Variants in C18orf54 observed in about 807,000 individuals in gnomAD.
C18orf54 encodes the protein lung adenoma susceptibility protein 2.
Under a neutral mutation model 49.3 loss-of-function variants are expected in C18orf54, and 49 were observed. The observed-to-expected ratio is 0.99, with a 90% CI of 0.79 to 1.26. The LOEUF (loss-of-function observed/expected upper bound fraction) is 1.26, where lower values mean the gene tolerates loss of function less well. C18orf54 is among the 50% of genes most tolerant of loss of function. The probability of loss-of-function intolerance (pLI) is 0.00; values close to 1 mark genes in which losing one functional copy is unlikely to be tolerated. For missense variants in C18orf54, 687 were observed against 620.6 expected (o/e 1.11, Z -1.14); for synonymous variants, 211 against 216.6 (o/e 0.97, Z 0.23).
Position 54,362,175 on chromosome 18 carries a change from T to A in C18orf54, c.816T>A (p.Pro272=), listed in dbSNP as rs1279555527. Residue 272 remains proline (P), a synonymous_variant, in exon 4 of 9, where the codon CCT becomes CCA. Coordinates refer to ENST00000620105, the MANE Select transcript of C18orf54 (RefSeq NM_001288980.2). ...PVWLHNQDLL[P]DANSQRVYQI... ...GGCTGCACAATCAAGACTTGCTACC[T>A]GATGCAAATAGTCAAAGGGTTTATC... 2.6e-6 allele frequency: 4 copies of A among 1,536,116 alleles called. No individual in the cohort carries two copies. The highest frequency in any genetic ancestry group is 3.5e-6 in the Non-Finnish European group (4 of 1,146,910).
chr18:54,362,796 G>A lies in C18orf54; in HGVS notation c.1098G>A (p.Leu366=), dbSNP rs1230346430. The A allele has an allele frequency of 6.2e-7, 1 of 1,606,542 alleles. No individual in the cohort carries two copies. The highest frequency in any genetic ancestry group is 8.5e-7 in the Non-Finnish European group (1 of 1,178,442). Residue 366 remains leucine, a synonymous_variant, in exon 5 of 9, where the codon TTG becomes TTA. Transcript: ENST00000620105. ...GTGACAAAATTGAATTGCTTATCTT[G>A]AAGGCCAAGAGAAATCTAGAGCAGT... ...FSGDKIELLI[L]KAKRNLEQCT... is the part of the protein sequence containing the mutation.
chr18:54,377,181 A>G (rs563385643), intron 8 of C18orf54, among the ~76,000 whole-genome samples: 1 of 151,916 alleles, frequency 6.6e-6, no homozygotes, highest in Non-Finnish European at 1.5e-5. Flanking sequence ...GACAGATGCC[A>G]GTCACCACGC....
chr18:54,366,339 G>A (rs554959055), intron 6 of C18orf54, among the ~76,000 whole-genome samples: 23 of 151,806 alleles, frequency 1.5e-4, no homozygotes, highest in African/African-American at 4.3e-4. Flanking sequence ...CTATTTCTAT[G>A]AGATCAGCTA....
chr18:54,374,535 G>C (rs2144751902), intron 8 of C18orf54, among the ~76,000 whole-genome samples: 1 of 151,816 alleles, frequency 6.6e-6, no homozygotes, highest in South Asian at 2.1e-4. Flanking sequence ...ACTCATTTTT[G>C]AGTAGTAATA....
In C18orf54 at chr18:54,361,101, A is replaced by G. The variant is rs2089260413; in HGVS notation, c.283+246A>G. ...ACAAGTTTGGAAAATGCAGTTGTTG[A>G]TAAGTCAATTACTACTTTACTTAAC... is the stretch of plus-strand genomic sequence containing the variant. On this transcript the variant is annotated intron_variant, in intron 3 of 8. Transcript: ENST00000620105. 2.0e-5 allele frequency among the ~76,000 whole-genome samples: 3 copies of G among 152,228 alleles called. No individual in the cohort carries two copies. The South Asian group carries it at 6.2e-4, about 31-fold the overall frequency.
At chr18:54,374,961 G>T (rs1314245485) in intron 8 of C18orf54, among the ~76,000 whole-genome samples, 3 of 151,850 alleles carry the variant, frequency 2.0e-5, no homozygotes, top group Admixed American at 6.6e-5. Context: ...GTGATCTAAG[G>T]AACTGGTGGA....
At chr18:54,359,567 T>C (rs1449677082) in intron 2 of C18orf54, among the ~76,000 whole-genome samples, 4 of 152,336 alleles carry the variant, frequency 2.6e-5, no homozygotes, top group African/African-American at 9.6e-5. Context: ...AAAGTTGTTA[T>C]AACAAATATT....
intron 5 of C18orf54, among the ~76,000 whole-genome samples, chr18:54,364,794 T>C (rs1194648289): frequency 1.3e-5 from 2 of 152,036 alleles, no homozygotes; most frequent in African/African-American, 4.8e-5. Context: ...CCTGATAGTA[T>C]GAAAGAGCTT....
rs1449990724 is a variant in C18orf54 at position 54,362,298 on chromosome 18, T to C, written c.939T>C (p.Phe313=). ...AATTAGATTGTTTTGAATATGCTTT[T>C]GAACCCTCAAACTTTTCAAATTCCT... ...INKLDCFEYA[F]EPSNFSNSLS... is the part of the protein sequence containing the mutation. The change falls in exon 4 of 9, where the codon TTT becomes TTC. Residue 313 remains phenylalanine, a synonymous_variant. Coordinates refer to ENST00000620105, the MANE Select transcript of C18orf54 (RefSeq NM_001288980.2). 2 of 1,536,330 alleles carry C rather than the reference T, an allele frequency of 1.3e-6. No homozygotes were observed. The highest frequency in any genetic ancestry group is 3.3e-4 in the Middle Eastern group (2 of 5,992).
chr18:54,378,237 G>A lies in C18orf54; in HGVS notation c.1593G>A (p.Pro531=), dbSNP rs749430389. 14 of 1,612,624 alleles carry A rather than the reference G, an allele frequency of 8.7e-6. No individual in the cohort carries two copies. The highest frequency in any genetic ancestry group is 2.2e-5 in the East Asian group (1 of 44,840). ...LVDDTNGERS[P]KM ...ATGATACGAATGGAGAACGGTCACC[G>A]AAAATGTGAAGAGGAAAATGAAACT... Residue 531 remains proline (P), a synonymous_variant, in exon 9 of 9, where the codon CCG becomes CCA. Coordinates refer to ENST00000620105, the MANE Select transcript of C18orf54 (RefSeq NM_001288980.2).
In C18orf54 at chr18:54,380,791, T is replaced by G. The variant is rs181018509; in HGVS notation, c.*2545T>G. ...ATAAATCATGACAAGGTCCCCTGTTTATTCCTGTGTTACAGACGCATGGAA... is the reference window on the plus strand; with the variant it reads ...ATAAATCATGACAAGGTCCCCTGTTGATTCCTGTGTTACAGACGCATGGAA... On this transcript the variant is annotated 3_prime_UTR_variant, in exon 9 of 9. Transcript: ENST00000620105. 2.0e-5 allele frequency: 3 copies of G among 152,288 alleles called. No individual in the cohort carries two copies. The East Asian group carries it at 5.8e-4, about 29-fold the overall frequency. The allele number at this position is 152,288 out of a possible 1,614,324, so 9.4% of individuals were successfully genotyped here.
Position 54,368,468 on chromosome 18 carries a change from T to G in C18orf54, c.1326+2647T>G, listed in dbSNP as rs2089426927. Among the ~76,000 whole-genome samples the G allele has an allele frequency of 3.3e-5, 5 of 152,114 alleles. No homozygotes were observed. The South Asian group carries it at 1.0e-3, about 31-fold the overall frequency. ...TCATGATTAGAATGAGGTTATGCATTTTTGGCAAAAATACTGAAGAAGTGA... is the reference window on the plus strand; with the variant it reads ...TCATGATTAGAATGAGGTTATGCATGTTTGGCAAAAATACTGAAGAAGTGA... On this transcript the variant is annotated intron_variant, in intron 6 of 8. Coordinates refer to ENST00000620105, the MANE Select transcript of C18orf54 (RefSeq NM_001288980.2).
chr18:54,358,734 T>C (rs2089200048), intron 1 of C18orf54, 40 bp from the exon 2 acceptor site: 2 of 152,246 alleles, frequency 1.3e-5, no homozygotes. Context: ...GATATTCCCA[T>C]TGGCTATTTA....
intron 6 of C18orf54, among the ~76,000 whole-genome samples, chr18:54,371,395 T>G (rs2046641316): frequency 6.6e-6 from 1 of 152,346 alleles, no homozygotes; most frequent in South Asian, 2.1e-4. Flanking sequence ...CATCTGTTGT[T>G]GGACTCTTGG....
Position 54,380,268 on chromosome 18 carries a change from G to T in C18orf54, c.*2022G>T, listed in dbSNP as rs1422086140. 6.6e-6 allele frequency: 1 copy of T among 151,980 alleles called. No individual in the cohort carries two copies. Among genetic ancestry groups the T allele is most frequent in the Non-Finnish European group, 1.5e-5 (1 of 67,890 alleles). The allele number at this position is 151,980 out of a possible 1,614,324, so 9.4% of individuals were successfully genotyped here. The stretch of plus-strand genomic sequence containing the variant: ...AGAGCAGGATAACAGTGTGGAGACT[G>T]CTAAGTTGAGAATTTAAAACAAATG... On this transcript the variant is annotated 3_prime_UTR_variant, in exon 9 of 9. Coordinates refer to ENST00000620105, the MANE Select transcript of C18orf54 (RefSeq NM_001288980.2).
Position 54,365,430 on chromosome 18 carries a change from A to C in C18orf54, c.1224-289A>C, listed in dbSNP as rs1487374953. On this transcript the variant is annotated intron_variant, in intron 5 of 8. Transcript: ENST00000620105. ...CAAACAAGGTGAGCTTTTGGAGCAC[A>C]GTCTGTAGTTCAGGCCTTGTTTAGC... is the stretch of plus-strand genomic sequence containing the variant. Among the ~76,000 whole-genome samples, 3 of 151,956 alleles carry C rather than the reference A, an allele frequency of 2.0e-5. No individual in the cohort carries two copies. In the East Asian group the frequency reaches 5.8e-4, roughly 29 times the overall value.
rs531197121 is a variant in C18orf54 at position 54,368,082 on chromosome 18, G to T, written c.1326+2261G>T. Among the ~76,000 whole-genome samples, 4 of 151,642 alleles carry T rather than the reference G, an allele frequency of 2.6e-5. No homozygotes were observed. In the East Asian group the frequency reaches 7.8e-4, roughly 29 times the overall value. Reference sequence around the variant, plus strand: ...GACTTTGTTGCTCATATTGTGAATTGTTTTCCTGATTTGGTCAAATTATCT... The same window carrying T: ...GACTTTGTTGCTCATATTGTGAATTTTTTTCCTGATTTGGTCAAATTATCT... On this transcript the variant is annotated intron_variant, in intron 6 of 8. Transcript: ENST00000620105.
intron 6 of C18orf54, among the ~76,000 whole-genome samples, chr18:54,367,752 G>C (rs2089412868): frequency 6.6e-6 from 1 of 152,054 alleles, no homozygotes; most frequent in Non-Finnish European, 1.5e-5. Context: ...TGTATTCCCA[G>C]ACGTGGGAAA....
rs1455603695 is a variant in C18orf54, at chr18:54,381,411, T to A, written c.*3165T>A. The A allele has an allele frequency of 1.3e-5, 2 of 152,240 alleles. No homozygotes were observed. Among genetic ancestry groups the A allele is most frequent in the African/African-American group, 4.8e-5 (2 of 41,466 alleles). The allele number at this position is 152,240 out of a possible 1,614,324, so 9.4% of individuals were successfully genotyped here. On this transcript the variant is annotated 3_prime_UTR_variant, in exon 9 of 9. Coordinates refer to ENST00000620105, the MANE Select transcript of C18orf54 (RefSeq NM_001288980.2). ...TTCACTGGGACTAGTTCATTCATTT[T>A]CAAATAGCTATTTCAACCTTTAACA...
Sources: allele counts gnomAD v4.1 joint callset (sites outside exome capture counted in the v4.1 genomes callset), GRCh38; gene constraint gnomAD v4.1.1; transcripts MANE v1.5; gene names NCBI Gene and HGNC (gene_info 2026-07-23, HGNC 2026-07-21).